The following OTC variants were observed in gnomAD, a reference collection of about 807,000 sequenced individuals.
OTC encodes ornithine transcarbamylase, also known as ornithine transcarbamylase, mitochondrial.
In OTC, 3 loss-of-function variants were observed where a neutral mutation model predicts 30.3. The observed-to-expected ratio is 0.10, with a 90% CI of 0.05 to 0.26. The LOEUF is 0.26. OTC is among the 10% of genes least tolerant of loss of function. OTC has a pLI of 1.00. For synonymous variants in OTC, 111 were observed against 99.7 expected (o/e 1.11, Z -0.67); for missense variants, 194 against 260.3 (o/e 0.75, Z 1.75).
intron 4 of OTC, among the ~76,000 whole-genome samples, chrX:38,392,109 G>A (rs61559874): frequency 0.18 from 19,575 of 111,250 alleles, 1,557 homozygotes; most frequent in Middle Eastern, 0.27. Flanking sequence ...TTGAACACAT[G>A]TTTTAACTTG....
chrX:38,377,653 TCCCTGCTTTTG>T lies in OTC; in HGVS notation c.299-3681_299-3671del, dbSNP rs1263766375. On this transcript the variant is annotated intron_variant, in intron 3 of 9. Transcript: ENST00000039007. ...TTTCGCAACAGTCTCCTGACTTGTCTCCCTGCTTTTGCCCTGCTACAGATGTCCAATTAAAA... is the reference window on the plus strand; with the variant it reads ...TTTCGCAACAGTCTCCTGACTTGTCTCCCTGCTACAGATGTCCAATTAAAA... Among the ~76,000 whole-genome samples, 10 of 111,911 alleles carry T rather than the reference TCCCTGCTTTTG, an allele frequency of 8.9e-5. No individual in the cohort carries two copies. The Admixed American group carries it at 9.5e-4, about 11-fold the overall frequency.
At chrX:38,346,723 A>G in the OTC span, among the ~76,000 whole-genome samples, 5 of 112,683 alleles carry the variant, frequency 4.4e-5, no homozygotes, top group African/African-American at 1.6e-4. Context: ...GGTTCCAATT[A>G]TGTCACATTC....
the OTC span, among the ~76,000 whole-genome samples, chrX:38,345,326 G>A: frequency 1.8e-5 from 2 of 111,239 alleles, no homozygotes; most frequent in South Asian, 3.7e-4. Context: ...AAACAAAGAC[G>A]GTAACACCCC....
At chrX:38,350,458 C>A, upstream of OTC, among the ~76,000 whole-genome samples, 3 of 111,437 alleles carry the variant, frequency 2.7e-5, no homozygotes. Context: ...ATCATGGGGT[C>A]AACAAGAGCC....
chrX:38,346,129 A>G, the OTC span, among the ~76,000 whole-genome samples: 1 of 111,911 alleles, frequency 8.9e-6, no homozygotes, highest in South Asian at 3.7e-4. Context: ...TTCAAAAGAA[A>G]AAAAAGGTAG....
intron 4 of OTC, among the ~76,000 whole-genome samples, chrX:38,382,244 C>T (rs994199701): frequency 8.0e-5 from 9 of 111,919 alleles, no homozygotes; most frequent in African/African-American, 2.9e-4. Context: ...AAAGGCTCTT[C>T]CCCACTATAT....
At chrX:38,396,860 A>G (rs2068460507) in intron 4 of OTC, among the ~76,000 whole-genome samples, 1 of 111,942 alleles carries the variant, frequency 8.9e-6, no homozygotes, top group Non-Finnish European at 1.9e-5. Flanking sequence ...TCCTCATTGG[A>G]AATTGCATAT....
At chrX:38,353,621 T>A (rs1294558064) in intron 1 of OTC, among the ~76,000 whole-genome samples, 2 of 111,634 alleles carry the variant, frequency 1.8e-5, no homozygotes. Flanking sequence ...CCTGTGATAG[T>A]GGCCCTGGGC....
chrX:38,411,253 A>T (rs1280254570), intron 8 of OTC, among the ~76,000 whole-genome samples: 1 of 110,009 alleles, frequency 9.1e-6, no homozygotes, highest in Non-Finnish European at 1.9e-5. Flanking sequence ...TATCAGCCAC[A>T]TATTACATTA....
At chrX:38,412,275 GCCAA>G (rs1569281418) in intron 9 of OTC, among the ~76,000 whole-genome samples, 1 of 111,751 alleles carries the variant, frequency 8.9e-6, no homozygotes, top group Non-Finnish European at 1.9e-5. Context: ...CCACCAGTTT[GCCAA>G]CCATTATAAG....
At chrX:38,331,531 ACGTCGGCCTCCCAAAGTG>A in the OTC span, among the ~76,000 whole-genome samples, 1 of 100,460 alleles carries the variant, frequency 1.0e-5, no homozygotes, top group Non-Finnish European at 2.0e-5. Context: ...TGATCCGCCC[ACGTCGGCCTCCCAAAGTG>A]CTGGGATTAT....
chrX:38,342,264 G>A, the OTC span, among the ~76,000 whole-genome samples: 3 of 109,495 alleles, frequency 2.7e-5, no homozygotes, highest in South Asian at 3.9e-4. Flanking sequence ...CTCGTGATCC[G>A]CCCGCCTCAA....
At chrX:38,396,782 A>T (rs1013800928) in intron 4 of OTC, among the ~76,000 whole-genome samples, 2 of 111,817 alleles carry the variant, frequency 1.8e-5, no homozygotes, top group African/African-American at 6.5e-5. Context: ...GAAAAAAAAA[A>T]AATTTAGACT....
chrX:38,416,763 T>C (rs1258801219), intron 9 of OTC, among the ~76,000 whole-genome samples: 1 of 112,522 alleles, frequency 8.9e-6, no homozygotes, highest in Non-Finnish European at 1.9e-5. Flanking sequence ...TGTTTGTCCG[T>C]GTTTATTTAA....
chrX:38,369,547 G>A (rs1205897647), intron 2 of OTC, among the ~76,000 whole-genome samples: 2 of 104,670 alleles, frequency 1.9e-5, no homozygotes, highest in African/African-American at 7.0e-5. Flanking sequence ...TTTGAGTAGA[G>A]ATGGGGTTTT....
intron 4 of OTC, among the ~76,000 whole-genome samples, chrX:38,384,551 C>A (rs2068392536): frequency 8.9e-6 from 1 of 112,058 alleles, no homozygotes; most frequent in Non-Finnish European, 1.9e-5. Flanking sequence ...TGATATGCAC[C>A]TTGTAACCCT....
chrX:38,352,057 G>A (rs934616864), upstream of OTC, among the ~76,000 whole-genome samples: 4 of 112,474 alleles, frequency 3.6e-5, no homozygotes, highest in South Asian at 3.6e-4. Context: ...CACCGTGCCC[G>A]GCCAGCAATT....
At chrX:38,374,679 C>A (rs2068337187) in intron 3 of OTC, among the ~76,000 whole-genome samples, 1 of 111,179 alleles carries the variant, frequency 9.0e-6, no homozygotes, top group African/African-American at 3.3e-5. Context: ...GTTGCTATAG[C>A]AAAATGACTT....
chrX:38,420,980 G>A (rs368841416), intron 9 of OTC, 43 bp from the exon 10 acceptor site: 229 of 1,023,407 alleles, frequency 2.2e-4, no homozygotes, highest in Non-Finnish European at 2.8e-4. Flanking sequence ...GCAGACTGTC[G>A]CTAATGTTTA....
Sources: gnomAD v4.1 joint callset for allele counts (sites outside exome capture counted in the v4.1 genomes callset) on GRCh38, gnomAD v4.1.1 for gene constraint, MANE v1.5 for transcripts, NCBI Gene and HGNC (gene_info 2026-07-23, HGNC 2026-07-21) for gene names.